CFAP47: variants seen among roughly 807,000 people sequenced by gnomAD.
CFAP47 encodes cilia- and flagella-associated protein 47.
In CFAP47, 29 loss-of-function variants were observed where a neutral mutation model predicts 148.1. The observed-to-expected ratio is 0.20, with a 90% CI of 0.15 to 0.27. The LOEUF (loss-of-function observed/expected upper bound fraction) is 0.27. CFAP47 is among the 10% of genes least tolerant of loss of function. The pLI is 1.00. For missense variants in CFAP47, 1,872 were observed against 1,697.5 expected (o/e 1.10, Z -1.81); for synonymous variants, 664 against 577.3 (o/e 1.15, Z -2.15).
chrX:36,178,062 T>C (rs1014099875), intron 39 of CFAP47, among the ~76,000 whole-genome samples: 7 of 111,877 alleles, frequency 6.3e-5, no homozygotes, highest in Admixed American at 2.9e-4. Context: ...GCCATCATCC[T>C]AAGAGAATTG....
intron 62 of CFAP47, among the ~76,000 whole-genome samples, chrX:36,379,034 A>G (rs1048052365): frequency 9.1e-6 from 1 of 109,845 alleles, no homozygotes; most frequent in Admixed American, 9.7e-5. Flanking sequence ...CTGGTCTCCA[A>G]CTCCTGACCT....
intron 8 of CFAP47, among the ~76,000 whole-genome samples, chrX:35,964,586 C>T (rs1198394577): frequency 9.0e-6 from 1 of 110,780 alleles, no homozygotes; most frequent in Non-Finnish European, 1.9e-5. Context: ...AGACTCCCAT[C>T]ATACATATGT....
chrX:36,072,626 A>G (rs959821364), intron 28 of CFAP47, among the ~76,000 whole-genome samples: 1 of 112,158 alleles, frequency 8.9e-6, no homozygotes, highest in African/African-American at 3.2e-5. Context: ...GTGCCATTAT[A>G]TAACCAGATA....
Position 36,073,258 on chromosome X carries a change from G to A in CFAP47, c.4585G>A (p.Ala1529Thr). 1.7e-6 allele frequency: 2 copies of A among 1,209,586 alleles called. No homozygotes were observed. The highest frequency in any genetic ancestry group is 3.5e-5 in the South Asian group (2 of 56,903). The change falls in exon 29 of 64, where the codon GCA becomes ACA. Residue 1529 changes from alanine (A) to threonine (T), a missense_variant. Ala to Thr is a moderately conservative substitution (Grantham distance 58). Transcript: ENST00000378653. ...CCTTTCTCTTGAGGAAGGAACAAAG[G>A]CACACTACTTTTTTGAGAAGGTTGT... ...QFLSLEEGTKAHYFFEKVVNA... is the reference protein window; with the variant it reads ...QFLSLEEGTKTHYFFEKVVNA...
At chrX:36,002,586 A>AAACC (rs747067844) in intron 21 of CFAP47, among the ~76,000 whole-genome samples, 37 of 111,333 alleles carry the variant, frequency 3.3e-4, no homozygotes, top group Non-Finnish European at 6.6e-4. Context: ...TCGTCTCAAA[A>AAACC]AACCAACCAA....
At chrX:36,343,843 A>G (rs1170514806) in intron 57 of CFAP47, among the ~76,000 whole-genome samples, 4 of 110,566 alleles carry the variant, frequency 3.6e-5, no homozygotes, top group Non-Finnish European at 3.8e-5. Context: ...TCATTGTTCA[A>G]TTCCCACCTA....
chrX:36,335,533 G>T (rs1325962290), intron 57 of CFAP47, among the ~76,000 whole-genome samples: 1 of 111,857 alleles, frequency 8.9e-6, no homozygotes, highest in African/African-American at 3.3e-5. Context: ...TGGGCCTGAA[G>T]GTTTCTTCTA....
At chrX:36,231,417 T>A in intron 46 of CFAP47, among the ~76,000 whole-genome samples, 1 of 106,625 alleles carries the variant, frequency 9.4e-6, no homozygotes, top group East Asian at 3.0e-4. Flanking sequence ...TCTGTTTGTC[T>A]GTTATTGGTG....
intron 49 of CFAP47, among the ~76,000 whole-genome samples, chrX:36,265,762 G>A (rs1940883890): frequency 9.0e-6 from 1 of 111,637 alleles, no homozygotes; most frequent in Non-Finnish European, 1.9e-5. Context: ...GATTTTTTTG[G>A]GGGGTAAAAA....
Position 36,178,893 on chromosome X carries a change from C to T in CFAP47, c.6027-452C>T, listed in dbSNP as rs186039386. ...ATTGCTGTGTGATTTCAGAAGATGG[C>T]ATAATTATTAACATACTGATTGACT... On this transcript the variant is annotated intron_variant, in intron 39 of 63. Transcript: ENST00000378653. Among the ~76,000 whole-genome samples the T allele has an allele frequency of 2.0e-4, 22 of 112,076 alleles. 1 individual carries two copies. Among genetic ancestry groups the T allele is most frequent in the Admixed American group, 1.1e-3 (12 of 10,546 alleles).
In CFAP47 at chrX:35,919,849, T is replaced by G. The variant is rs756953402; in HGVS notation, c.50T>G (p.Leu17Arg). The G allele has an allele frequency of 8.3e-7, 1 of 1,209,170 alleles. No homozygotes were observed. The highest frequency in any genetic ancestry group is 1.1e-6 in the Non-Finnish European group (1 of 894,312). ...ACCATAAACGTCCACAGAGGTTCCCTCGCCATGAGCATCCAAAGGGGTTCC... is the reference window on the plus strand; with the variant it reads ...ACCATAAACGTCCACAGAGGTTCCCGCGCCATGAGCATCCAAAGGGGTTCC... The part of the protein sequence containing the change: ...SLTINVHRGS[L>R]AMSIQRGSLV... Residue 17 changes from leucine (L) to arginine (R), a missense_variant, in exon 1 of 64, where the codon CTC (leucine) becomes CGC (arginine). Leu to Arg is a moderately radical substitution (Grantham distance 102). Transcript: ENST00000378653.
chrX:35,972,730 C>T (rs1936512884), intron 13 of CFAP47, among the ~76,000 whole-genome samples: 1 of 111,406 alleles, frequency 9.0e-6, no homozygotes, highest in Admixed American at 9.6e-5. Context: ...AAACAGCACC[C>T]CATTTTATGA....
chrX:35,987,524 A>G (rs1370274044), intron 15 of CFAP47, among the ~76,000 whole-genome samples: 2 of 111,711 alleles, frequency 1.8e-5, no homozygotes, highest in Non-Finnish European at 3.8e-5. Flanking sequence ...TTTCAAGCCA[A>G]TGGATCTTAG....
intron 45 of CFAP47, among the ~76,000 whole-genome samples, chrX:36,225,941 C>A (rs1160627784): frequency 9.0e-6 from 1 of 111,495 alleles, no homozygotes; most frequent in African/African-American, 3.3e-5. Context: ...AGAGAAGAAA[C>A]CAATTCCAGG....
chrX:36,303,753 G>A, intron 53 of CFAP47, 96 bp from the exon 54 acceptor site: 2 of 427,882 alleles, frequency 4.7e-6, no homozygotes. Flanking sequence ...CTTATGGGGT[G>A]ACATATTTTA....
chrX:36,008,788 A>G (rs1457654099), intron 21 of CFAP47, among the ~76,000 whole-genome samples: 1 of 110,472 alleles, frequency 9.1e-6, no homozygotes, highest in East Asian at 2.8e-4. Flanking sequence ...AAATAAATAA[A>G]TAAATAAAAT....
chrX:36,110,315 T>C (rs1213764371), intron 33 of CFAP47, among the ~76,000 whole-genome samples: 2 of 111,959 alleles, frequency 1.8e-5, no homozygotes, highest in Non-Finnish European at 3.8e-5. Flanking sequence ...GGGTCCAGTT[T>C]CAATCTTCTG....
chrX:35,992,518 A>C (rs1358344571), intron 17 of CFAP47, among the ~76,000 whole-genome samples: 1 of 111,302 alleles, frequency 9.0e-6, no homozygotes, highest in Non-Finnish European at 1.9e-5. Flanking sequence ...TTAAGTCTTT[A>C]GCAAAACTGA....
intron 4 of CFAP47, among the ~76,000 whole-genome samples, chrX:35,949,703 C>G (rs146446779): frequency 0.014 from 1,593 of 111,985 alleles, 30 homozygotes; most frequent in African/African-American, 0.049. Context: ...TTGAATGTTC[C>G]TTACTCAAAA....
Sources: gnomAD v4.1 joint callset for allele counts (sites outside exome capture counted in the v4.1 genomes callset) on GRCh38, gnomAD v4.1.1 for gene constraint, MANE v1.5 for transcripts, NCBI Gene and HGNC (gene_info 2026-07-23, HGNC 2026-07-21) for gene names.